Variants in NUSAP1 observed in about 807,000 individuals in gnomAD.
The protein encoded by NUSAP1 is nucleolar and spindle-associated protein 1.
NUSAP1 carries 32 observed loss-of-function variants against 52.8 expected under a neutral mutation model. The observed-to-expected ratio is 0.61, with a 90% CI of 0.46 to 0.81. The LOEUF is 0.81. Ranked by LOEUF, NUSAP1 falls within the 40% of genes least tolerant of loss-of-function variation. The pLI is 0.00. For synonymous variants in NUSAP1, 195 were observed against 183.1 expected, an observed-to-expected ratio of 1.06 and a Z score of -0.52; for missense variants, 499 against 522.3, an observed-to-expected ratio of 0.96 and a Z score of 0.43.
intron 1 of NUSAP1, among the ~76,000 whole-genome samples, chr15:41,339,591 G>A (rs1182700613): frequency 6.6e-6 from 1 of 151,486 alleles, no homozygotes. Flanking sequence ...TGTATTTTTA[G>A]TAGAGACAGG....
chr15:41,339,411 CTT>C (rs910899570), intron 1 of NUSAP1, among the ~76,000 whole-genome samples: 14 of 132,510 alleles, frequency 1.1e-4, no homozygotes, highest in Admixed American at 2.3e-4. Context: ...TTCGACTTTT[CTT>C]TTTTTTTTTT....
chr15:41,365,689 A>G, intron 7 of NUSAP1, 100 bp downstream of exon 7: 1 of 732,706 alleles, frequency 1.4e-6, no homozygotes, highest in Non-Finnish European at 2.1e-6. Flanking sequence ...ACATACTCAT[A>G]GGGTACATAG....
chr15:41,336,999 C>CTTTT (rs201223527), intron 1 of NUSAP1, among the ~76,000 whole-genome samples: 507 of 65,614 alleles, frequency 7.7e-3, no homozygotes, highest in Middle Eastern at 0.02. Flanking sequence ...CTTTCCTTTT[C>CTTTT]TTTTTTTTTT....
intron 8 of NUSAP1, among the ~76,000 whole-genome samples, chr15:41,372,852 C>T (rs998710079): frequency 2.6e-5 from 4 of 152,058 alleles, no homozygotes; most frequent in African/African-American, 4.8e-5. Context: ...CTTAGGGAGG[C>T]CGAGGTGGGT....
In NUSAP1 at chr15:41,350,092, T is replaced by C. The variant is rs764730754; in HGVS notation, c.306+851T>C. On this transcript the variant is annotated intron_variant, in intron 3 of 10. Transcript: ENST00000559596. ...CTGAAACACAGTCTTAATTTTCTTT[T>C]CTATGTTCATATTGTTGCAGTAAAC... 2.9e-4 allele frequency among the ~76,000 whole-genome samples: 44 copies of C among 152,264 alleles called. No homozygotes were observed. The Middle Eastern group carries it at 0.01, about 35-fold the overall frequency.
At chr15:41,337,864 C>G (rs1165613400) in intron 1 of NUSAP1, among the ~76,000 whole-genome samples, 4 of 151,338 alleles carry the variant, frequency 2.6e-5, no homozygotes, top group African/African-American at 9.7e-5. Context: ...TCCTGGTTGT[C>G]TTTTCTCTAA....
intron 5 of NUSAP1, 35 bp downstream of exon 5, chr15:41,356,175 G>A (rs753210903): frequency 2.5e-6 from 3 of 1,210,928 alleles, no homozygotes; most frequent in Non-Finnish European, 3.6e-6. Context: ...ATAAGTAATG[G>A]TTGCCCCACT....
chr15:41,366,600 C>T (rs1053709924), intron 7 of NUSAP1, among the ~76,000 whole-genome samples: 1 of 152,146 alleles, frequency 6.6e-6, no homozygotes, highest in African/African-American at 2.4e-5. Flanking sequence ...GTATATGTAC[C>T]TCTTAAATTT....
rs143586707 is a variant in NUSAP1, at chr15:41,376,918, A to C, written c.1124-278A>C. Among the ~76,000 whole-genome samples, 1,038 of 152,054 alleles carry C rather than the reference A, an allele frequency of 6.8e-3. 10 individuals are homozygous for C. Among genetic ancestry groups the C allele is most frequent in the African/African-American group, 0.024 (990 of 41,454 alleles). The stretch of plus-strand genomic sequence containing the variant: ...GATGAAACCCCGTCTCTACTAAAAA[A>C]TACAAAAATTACCCGGGCATGGTGG... On this transcript the variant is annotated intron_variant, in intron 9 of 10. Transcript: ENST00000559596.
intron 8 of NUSAP1, among the ~76,000 whole-genome samples, chr15:41,373,211 T>C (rs1366770250): frequency 1.3e-5 from 2 of 151,900 alleles, no homozygotes; most frequent in African/African-American, 4.8e-5. Flanking sequence ...CTGGCCAACA[T>C]GGCAAAACCT....
chr15:41,340,864 G>A (rs1019824942), intron 1 of NUSAP1, among the ~76,000 whole-genome samples: 1 of 152,122 alleles, frequency 6.6e-6, no homozygotes, highest in Non-Finnish European at 1.5e-5. Context: ...TGTGGCTTAG[G>A]CTTGCACCAC....
At chr15:41,369,727 A>T (rs1379475680) in intron 7 of NUSAP1, among the ~76,000 whole-genome samples, 4 of 152,076 alleles carry the variant, frequency 2.6e-5, no homozygotes, top group African/African-American at 9.7e-5. Context: ...TTCACACCAT[A>T]AGATACCATT....
rs567044220 is a variant in NUSAP1 at position 41,374,005 on chromosome 15, C to T, written c.1007-1707C>T. 3.3e-3 allele frequency among the ~76,000 whole-genome samples: 503 copies of T among 152,212 alleles called. 3 individuals carry two copies. Among genetic ancestry groups the T allele is most frequent in the African/African-American group, 0.012 (486 of 41,556 alleles). ...GAGATTGAGACCATCCTGGCTAACA[C>T]ACTGAAACCCCGTCTCTACTAAAAA... is the stretch of plus-strand genomic sequence containing the variant. On this transcript the variant is annotated intron_variant, in intron 8 of 10. Coordinates refer to ENST00000559596, the MANE Select transcript of NUSAP1 (RefSeq NM_016359.5).
intron 3 of NUSAP1, among the ~76,000 whole-genome samples, chr15:41,350,110 C>T (rs1026790055): frequency 2.0e-5 from 3 of 152,054 alleles, no homozygotes; most frequent in Admixed American, 2.0e-4. Context: ...CATATTGTTG[C>T]AGTAAACTGA....
chr15:41,359,926 C>T (rs1021198526), intron 6 of NUSAP1, among the ~76,000 whole-genome samples: 3 of 152,038 alleles, frequency 2.0e-5, no homozygotes, highest in African/African-American at 7.2e-5. Context: ...TGCTCCCATC[C>T]TCACTGTTAC....
chr15:41,377,548 A>C (rs2049998797), intron 10 of NUSAP1, among the ~76,000 whole-genome samples: 1 of 151,256 alleles, frequency 6.6e-6, no homozygotes, highest in Non-Finnish European at 1.5e-5. Context: ...AAATACAAAA[A>C]ATTAGCTGGG....
chr15:41,346,652 C>A (rs896187215), intron 2 of NUSAP1, among the ~76,000 whole-genome samples: 1 of 149,722 alleles, frequency 6.7e-6, no homozygotes, highest in Admixed American at 6.7e-5. Flanking sequence ...AATGGTGAAA[C>A]CCCATCTTTA....
intron 4 of NUSAP1, among the ~76,000 whole-genome samples, chr15:41,354,096 C>T (rs932704442): frequency 1.3e-4 from 20 of 152,120 alleles, no homozygotes; most frequent in Non-Finnish European, 1.9e-4. Context: ...TAATAATAAG[C>T]TGGCTACAGT....
intron 1 of NUSAP1, among the ~76,000 whole-genome samples, chr15:41,333,810 G>A (rs1317406109): frequency 2.6e-5 from 4 of 152,174 alleles, no homozygotes; most frequent in Non-Finnish European, 4.4e-5. Flanking sequence ...TACTTGGGAG[G>A]CTGAGGCAGA....
Sources: allele counts gnomAD v4.1 joint callset (sites outside exome capture counted in the v4.1 genomes callset), GRCh38; gene constraint gnomAD v4.1.1; transcripts MANE v1.5; gene names NCBI Gene and HGNC (gene_info 2026-07-23, HGNC 2026-07-21).